MED13L: variants seen among roughly 807,000 people sequenced by gnomAD.
MED13L encodes mediator of RNA polymerase II transcription subunit 13-like.
Under a neutral mutation model 220.9 loss-of-function variants are expected in MED13L, and 7 were observed. That is an observed-to-expected ratio of 0.03 (90% CI 0.02 to 0.06). MED13L has a LOEUF of 0.06. Ranked by LOEUF, MED13L falls within the 10% of genes least tolerant of loss-of-function variation. The pLI is 1.00. For synonymous variants in MED13L, 1,011 were observed against 1,015.2 expected (o/e 1.00, Z 0.08); for missense variants, 1,965 against 2,760.5 (o/e 0.71, Z 6.46).
chr12:116,053,026 T>C (rs1241733840), intron 4 of MED13L, among the ~76,000 whole-genome samples: 1 of 152,206 alleles, frequency 6.6e-6, no homozygotes, highest in African/African-American at 2.4e-5. Flanking sequence ...ATAAAATATA[T>C]AATCCATTAT....
At chr12:116,259,431 T>C (rs1311349890) in intron 1 of MED13L, among the ~76,000 whole-genome samples, 1 of 151,988 alleles carries the variant, frequency 6.6e-6, no homozygotes, top group Non-Finnish European at 1.5e-5. Flanking sequence ...ATATTAAAAG[T>C]CCAAAAACAT....
At chr12:116,161,398 C>CACCTTCCA in intron 2 of MED13L, among the ~76,000 whole-genome samples, 2 of 152,184 alleles carry the variant, frequency 1.3e-5, no homozygotes, top group Admixed American at 1.3e-4. Flanking sequence ...ACTTCCCAAC[C>CACCTTCCA]ACCTTCCAGT....
chr12:116,015,717 T>A (rs1474954446), intron 7 of MED13L, among the ~76,000 whole-genome samples: 1 of 152,228 alleles, frequency 6.6e-6, no homozygotes, highest in Middle Eastern at 3.2e-3. Context: ...TTTATACTCA[T>A]GTAGCTAAAT....
At position 116,162,075 on chromosome 12, in the gene MED13L, T is replaced by C. The variant is rs554190387; in HGVS notation, c.311-50563A>G. Reference sequence around the variant, plus strand: ...ACAAAGTGGAGTCACTCATGCCAAATGTCATATAATCAAACTGCAACTGTA... The same window carrying C: ...ACAAAGTGGAGTCACTCATGCCAAACGTCATATAATCAAACTGCAACTGTA... On this transcript the variant is annotated intron_variant, in intron 2 of 30. Coordinates refer to ENST00000281928, the MANE Select transcript of MED13L (RefSeq NM_015335.5). 5.9e-5 allele frequency among the ~76,000 whole-genome samples: 9 copies of C among 152,258 alleles called. 4 individuals carry two copies. Among genetic ancestry groups the C allele is most frequent in the African/African-American group, 2.2e-4 (9 of 41,546 alleles).
chr12:115,968,060 C>T (rs1026457037), intron 28 of MED13L, among the ~76,000 whole-genome samples: 4 of 130,218 alleles, frequency 3.1e-5, no homozygotes, highest in Admixed American at 7.5e-5. Context: ...AAGTCCCCCC[C>T]CCCCCCCGAT....
chr12:116,096,648 A>G, intron 4 of MED13L, 21 bp downstream of exon 4: 1 of 1,608,164 alleles, frequency 6.2e-7, no homozygotes, highest in Non-Finnish European at 8.5e-7. Context: ...CCAAAAAGCC[A>G]AGAGCATTCT....
chr12:116,196,895 C>A (rs1881662775), intron 2 of MED13L, among the ~76,000 whole-genome samples: 2 of 152,078 alleles, frequency 1.3e-5, no homozygotes, highest in African/African-American at 4.8e-5. Flanking sequence ...ACAGACATGT[C>A]TTCAAAATTT....
At chr12:116,060,762 G>A (rs12422625) in intron 4 of MED13L, among the ~76,000 whole-genome samples, 3,050 of 152,170 alleles carry the variant, frequency 0.02, 57 homozygotes, top group Non-Finnish European at 0.033. Context: ...TTGTTAGACT[G>A]TATTGTGGAA....
At chr12:116,029,600 C>T (rs1880604596) in intron 4 of MED13L, among the ~76,000 whole-genome samples, 1 of 151,964 alleles carries the variant, frequency 6.6e-6, no homozygotes, top group Non-Finnish European at 1.5e-5. Flanking sequence ...AAACCTGGTA[C>T]AGGAATAACA....
chr12:116,276,596 T>C (rs1052144245), intron 1 of MED13L: 4 of 1,209,466 alleles, frequency 3.3e-6, no homozygotes, highest in Non-Finnish European at 4.2e-6. Context: ...GGTGTCATTA[T>C]GGAATTTAAA....
intron 4 of MED13L, among the ~76,000 whole-genome samples, chr12:116,035,377 T>C (rs1881121101): frequency 6.6e-6 from 1 of 152,180 alleles, no homozygotes; most frequent in South Asian, 2.1e-4. Context: ...TATAATGCTG[T>C]ATCTTATACT....
At chr12:116,003,209 G>A (rs749403294) in intron 13 of MED13L, 107 bp from the exon 14 acceptor site, 33 of 893,192 alleles carry the variant, frequency 3.7e-5, no homozygotes, top group Middle Eastern at 2.1e-4. Context: ...TGGTAGAAGC[G>A]TTTACCAGGT....
intron 2 of MED13L, chr12:116,148,521 T>C (rs573852924): frequency 6.1e-6 from 2 of 325,936 alleles, no homozygotes; most frequent in East Asian, 8.7e-5. Context: ...ATAAAATCAC[T>C]GAAAAAGTGA....
chr12:116,068,159 AG>A (rs1870093291), intron 4 of MED13L, among the ~76,000 whole-genome samples: 1 of 152,176 alleles, frequency 6.6e-6, no homozygotes, highest in African/African-American at 2.4e-5. Flanking sequence ...TTCAGGGTAC[AG>A]GGGTTCTTCG....
intron 4 of MED13L, among the ~76,000 whole-genome samples, chr12:116,066,218 G>A (rs1382971221): frequency 2.6e-5 from 4 of 152,026 alleles, no homozygotes; most frequent in Non-Finnish European, 5.9e-5. Context: ...ACACACAAAA[G>A]TAAAAAAGGT....
At chr12:116,173,105 G>GA (rs528648429) in intron 2 of MED13L, among the ~76,000 whole-genome samples, 2,619 of 109,786 alleles carry the variant, frequency 0.024, 56 homozygotes, top group African/African-American at 0.076. Context: ...AACAACTCAG[G>GA]AAAAAAAAAA....
Position 116,237,447 on chromosome 12 carries a change from AG to A in MED13L, c.310+20del. On this transcript the variant is annotated intron_variant, in intron 2 of 30. Transcript: ENST00000281928. ...AAAAATATGATGCAAATAATTTTTA[AG>A]AAAAAAACAGAAACCTTACCCTGCA... 1 of 1,547,736 alleles carries A rather than the reference AG, an allele frequency of 6.5e-7. No individual in the cohort carries two copies. Among genetic ancestry groups the A allele is most frequent in the Non-Finnish European group, 8.9e-7 (1 of 1,119,832 alleles).
In MED13L at chr12:115,980,281, A is replaced by G. The variant is rs530724324; in HGVS notation, c.5364+469T>C. On this transcript the variant is annotated intron_variant, in intron 23 of 30. Coordinates refer to ENST00000281928, the MANE Select transcript of MED13L (RefSeq NM_015335.5). ...TCTTCTCAAAAATGTTTTAAAGTTC[A>G]GAGAAGTATCTCCTCTATTTAAACC... 2.6e-5 allele frequency among the ~76,000 whole-genome samples: 4 copies of G among 152,352 alleles called. No homozygotes were observed. In the South Asian group the frequency reaches 8.3e-4, roughly 32 times the overall value.
chr12:116,014,515 A>C (rs1054552303), intron 8 of MED13L, among the ~76,000 whole-genome samples: 3 of 152,220 alleles, frequency 2.0e-5, no homozygotes, highest in African/African-American at 7.2e-5. Context: ...TTTTCTAAAA[A>C]TCAATTCTCT....
Sources: allele counts gnomAD v4.1 joint callset (sites outside exome capture counted in the v4.1 genomes callset), GRCh38; gene constraint gnomAD v4.1.1; transcripts MANE v1.5; gene names NCBI Gene and HGNC (gene_info 2026-07-23, HGNC 2026-07-21).